RBFOX1: variants seen among roughly 807,000 people sequenced by gnomAD.
RBFOX1 encodes the protein RNA binding protein fox-1 homolog 1.
RBFOX1 carries 8 observed loss-of-function variants against 57.7 expected under a neutral mutation model. The observed-to-expected ratio is 0.14, with a 90% CI of 0.08 to 0.25. The LOEUF (loss-of-function observed/expected upper bound fraction) is 0.25, where lower values mean the gene tolerates loss of function less well. Among genes scored for constraint, RBFOX1 ranks in the 10% least tolerant of loss-of-function variants. The pLI is 1.00. For synonymous variants in RBFOX1, 326 were observed against 222.4 expected, an observed-to-expected ratio of 1.47 and a Z score of -4.15; for missense variants, 611 against 548.5, an observed-to-expected ratio of 1.11 and a Z score of -1.14.
downstream of RBFOX1, chr16:5,600,300 A>G (rs2047323435): frequency 6.8e-6 from 1 of 147,198 alleles, no homozygotes; most frequent in Admixed American, 6.6e-5. Context: ...CTCCGTCTCA[A>G]AAAAATAAAA....
intron 11 of RBFOX1, among the ~76,000 whole-genome samples, chr16:7,650,457 C>T (rs969622743): frequency 6.6e-6 from 1 of 151,942 alleles, no homozygotes; most frequent in Admixed American, 6.6e-5. Context: ...CCCAAAGAAC[C>T]TCCTAGGAAG....
At chr16:6,342,527 T>A (rs1357854668) in intron 2 of RBFOX1, among the ~76,000 whole-genome samples, 1 of 152,052 alleles carries the variant, frequency 6.6e-6, no homozygotes, top group Non-Finnish European at 1.5e-5. Context: ...CACAGCAACC[T>A]CACGAGATTC....
At chr16:6,070,457 C>G (rs1359582749) in intron 1 of RBFOX1, among the ~76,000 whole-genome samples, 1 of 152,064 alleles carries the variant, frequency 6.6e-6, no homozygotes. Flanking sequence ...TAAGCATAGC[C>G]CAAACTTTCG....
intron 3 of RBFOX1, among the ~76,000 whole-genome samples, chr16:5,659,117 C>T (rs1174996028): frequency 6.6e-6 from 1 of 151,982 alleles, no homozygotes; most frequent in Non-Finnish European, 1.5e-5. Context: ...AGTTTACATT[C>T]CCACCATCAG....
intron 2 of RBFOX1, among the ~76,000 whole-genome samples, chr16:6,546,865 A>C (rs1231200032): frequency 6.6e-6 from 1 of 152,230 alleles, no homozygotes; most frequent in South Asian, 2.1e-4. Flanking sequence ...ACAAGTTCAA[A>C]CACAGATCAT....
intron 1 of RBFOX1, among the ~76,000 whole-genome samples, chr16:6,216,601 C>G (rs1317843421): frequency 2.0e-5 from 3 of 152,176 alleles, no homozygotes; most frequent in African/African-American, 4.8e-5. Context: ...ATCCAACAAA[C>G]TCAAATGGTA....
intron 2 of RBFOX1, among the ~76,000 whole-genome samples, chr16:6,549,646 G>T (rs2096955932): frequency 6.6e-6 from 1 of 151,928 alleles, no homozygotes; most frequent in South Asian, 2.1e-4. Context: ...GCTAATTTGA[G>T]TCATGTGCCT....
rs74004392 is a variant in RBFOX1, at chr16:5,542,674, G to A, written c.259-56228G>A. Among the ~76,000 whole-genome samples the A allele has an allele frequency of 9.1e-3, 1,391 of 152,254 alleles. 20 individuals carry two copies. Among genetic ancestry groups the A allele is most frequent in the African/African-American group, 0.031 (1,292 of 41,556 alleles). On this transcript the variant is annotated intron_variant, in intron 2 of 2. Transcript: ENST00000585867. ...AACACTTCCATTGTTATTTAGAGAT[G>A]CATGGAGTTTTAGCAAGGAGAATGA...
At chr16:7,000,972 T>C (rs1258085594) in intron 3 of RBFOX1, among the ~76,000 whole-genome samples, 1 of 152,168 alleles carries the variant, frequency 6.6e-6, no homozygotes. Context: ...GAAGTCCTTT[T>C]TGGAAATTTT....
In RBFOX1 at chr16:7,369,489, A is replaced by C. The variant is rs140310052; in HGVS notation, c.28-148658A>C. ...AAGATGAATAATAATGAGGTTTTTA[A>C]TAACTCCCTGCATTTGCATTCCTAG... On this transcript the variant is annotated intron_variant, in intron 4 of 15. Coordinates refer to ENST00000550418, the MANE Select transcript of RBFOX1 (RefSeq NM_018723.4). Among the ~76,000 whole-genome samples the C allele has an allele frequency of 2.9e-3, 435 of 152,214 alleles. 2 individuals carry two copies. The highest frequency in any genetic ancestry group is 9.9e-3 in the African/African-American group (412 of 41,516).
intron 1 of RBFOX1, among the ~76,000 whole-genome samples, chr16:6,160,971 C>G (rs1030923279): frequency 6.6e-6 from 1 of 152,224 alleles, no homozygotes; most frequent in Non-Finnish European, 1.5e-5. Context: ...TGTGTTCTAT[C>G]TCTCCTTCTT....
chr16:6,849,690 A>T (rs561859930), intron 3 of RBFOX1, among the ~76,000 whole-genome samples: 1 of 152,150 alleles, frequency 6.6e-6, no homozygotes, highest in East Asian at 1.9e-4. Flanking sequence ...ACAAAATAAA[A>T]CAAAAAAAAC....
chr16:7,002,531 G>C (rs1349596210), intron 3 of RBFOX1, among the ~76,000 whole-genome samples: 20 of 152,138 alleles, frequency 1.3e-4, no homozygotes, highest in Admixed American at 1.3e-3. Flanking sequence ...GGCCAAAATG[G>C]TGAAACCCCG....
At chr16:5,332,055 T>C (rs1468321867) in intron 1 of RBFOX1, among the ~76,000 whole-genome samples, 2 of 152,200 alleles carry the variant, frequency 1.3e-5, no homozygotes, top group African/African-American at 4.8e-5. Context: ...GCTTTAATCA[T>C]AATGGCTTTG....
intron 14 of RBFOX1, among the ~76,000 whole-genome samples, chr16:7,699,879 T>G (rs2080093443): frequency 6.6e-6 from 1 of 152,156 alleles, no homozygotes; most frequent in African/African-American, 2.4e-5. Flanking sequence ...AGTTTGTGTG[T>G]CCCCAAGAAC....
chr16:6,350,025 G>A (rs1463549342), intron 2 of RBFOX1, among the ~76,000 whole-genome samples: 1 of 152,016 alleles, frequency 6.6e-6, no homozygotes, highest in Non-Finnish European at 1.5e-5. Flanking sequence ...AATTACTTTG[G>A]TACGCTCAAG....
At chr16:6,221,020 A>C (rs1044599316) in intron 1 of RBFOX1, among the ~76,000 whole-genome samples, 2 of 152,078 alleles carry the variant, frequency 1.3e-5, no homozygotes, top group East Asian at 3.9e-4. Context: ...TCATTATATT[A>C]GGTGAAATTA....
At chr16:7,062,317 CAAAA>C (rs57989614) in intron 4 of RBFOX1, among the ~76,000 whole-genome samples, 1 of 65,338 alleles carries the variant, frequency 1.5e-5, no homozygotes, top group African/African-American at 6.1e-5. Context: ...GACTCCATCT[CAAAA>C]AAAAAAAAAA....
chr16:6,019,207 C>T lies in RBFOX1; in HGVS notation c.-912C>T. The T allele has an allele frequency of 1.0e-6, 1 of 985,298 alleles. No homozygotes were observed. Among genetic ancestry groups the T allele is most frequent in the Non-Finnish European group, 1.2e-6 (1 of 829,958 alleles). The allele number at this position is 985,298 out of a possible 1,614,324, so 61.0% of individuals were successfully genotyped here. Reference sequence around the variant, plus strand: ...CTCTTTATTCTCTCCCGCCCTCCTACAAGCGCTCTTGCTGGCCGTCTGGGT... The same window carrying T: ...CTCTTTATTCTCTCCCGCCCTCCTATAAGCGCTCTTGCTGGCCGTCTGGGT... On this transcript the variant is annotated 5_prime_UTR_variant, in exon 1 of 16. Transcript: ENST00000550418. This position sits in a 1 kb window ranked among gnomAD's most constrained non-coding sequence, Gnocchi z 4.2.
Sources: allele counts gnomAD v4.1 joint callset (sites outside exome capture counted in the v4.1 genomes callset), GRCh38; gene constraint gnomAD v4.1.1; non-coding constraint Gnocchi (gnomAD v3.1); transcripts MANE v1.5; gene names NCBI Gene and HGNC (gene_info 2026-07-23, HGNC 2026-07-21).